Variants in ADAM10 observed in about 807,000 individuals in gnomAD.
ADAM10 encodes disintegrin and metalloproteinase domain-containing protein 10.
A neutral mutation model predicts 90.1 loss-of-function variants in ADAM10; 17 were observed. The observed-to-expected ratio is 0.19, with a 90% CI of 0.13 to 0.28. The LOEUF (loss-of-function observed/expected upper bound fraction) is 0.28. ADAM10 is among the 10% of genes least tolerant of loss of function. ADAM10 has a pLI of 1.00. For synonymous variants in ADAM10, 310 were observed against 298.6 expected (o/e 1.04, Z -0.40); for missense variants, 610 against 914.3 (o/e 0.67, Z 4.29).
At chr15:58,658,193 A>G (rs1333882953) in intron 5 of ADAM10, among the ~76,000 whole-genome samples, 14 of 152,034 alleles carry the variant, frequency 9.2e-5, no homozygotes, top group Admixed American at 9.2e-4. Flanking sequence ...TTTTTGTATA[A>G]GGTGTGAAGT....
At chr15:58,682,123 A>G in intron 3 of ADAM10, 73 bp downstream of exon 3, 1 of 1,587,738 alleles carries the variant, frequency 6.3e-7, no homozygotes, top group Non-Finnish European at 8.6e-7. Flanking sequence ...ATATTTGCTT[A>G]CACTTCAAAA....
At chr15:58,743,607 C>CTT (rs1241862806) in intron 1 of ADAM10, among the ~76,000 whole-genome samples, 1 of 144,510 alleles carries the variant, frequency 6.9e-6, no homozygotes. Context: ...AAACAAAATA[C>CTT]TTTTTTTTTT....
intron 11 of ADAM10, among the ~76,000 whole-genome samples, chr15:58,614,573 A>G (rs1252965781): frequency 6.6e-6 from 1 of 152,216 alleles, no homozygotes; most frequent in East Asian, 1.9e-4. Context: ...AGAATCTATA[A>G]GACTTTATTT....
At chr15:58,708,582 G>A (rs1438427698) in intron 2 of ADAM10, among the ~76,000 whole-genome samples, 1 of 152,124 alleles carries the variant, frequency 6.6e-6, no homozygotes, top group Non-Finnish European at 1.5e-5. Flanking sequence ...AGGACTGCTT[G>A]AGCTCAGAAG....
intron 2 of ADAM10, among the ~76,000 whole-genome samples, chr15:58,702,172 T>C (rs1173783690): frequency 6.6e-6 from 1 of 152,154 alleles, no homozygotes; most frequent in Non-Finnish European, 1.5e-5. Flanking sequence ...GAGGTCATTA[T>C]GTTGAGTGAA....
chr15:58,731,590 T>C (rs566526369), intron 1 of ADAM10, among the ~76,000 whole-genome samples: 1 of 152,158 alleles, frequency 6.6e-6, no homozygotes, highest in East Asian at 1.9e-4. Flanking sequence ...TTCACACCAC[T>C]GCACTCCAGC....
At chr15:58,635,274 CAAAAAAAAAAAA>C (rs58106236) in intron 8 of ADAM10, among the ~76,000 whole-genome samples, 1 of 65,908 alleles carries the variant, frequency 1.5e-5, no homozygotes, top group African/African-American at 7.5e-5. Flanking sequence ...GACTCTGTCT[CAAAAAAAAAAAA>C]AAAAAAAGAA....
intron 2 of ADAM10, among the ~76,000 whole-genome samples, chr15:58,709,189 C>T (rs1173997152): frequency 6.6e-6 from 1 of 152,062 alleles, no homozygotes. Flanking sequence ...CTTGCTGCAC[C>T]TTTAAGAAAA....
intron 2 of ADAM10, among the ~76,000 whole-genome samples, chr15:58,687,819 A>G (rs1897647594): frequency 6.6e-6 from 1 of 152,264 alleles, no homozygotes; most frequent in Non-Finnish European, 1.5e-5. Context: ...CTACTTGCAT[A>G]ATACGATTCA....
chr15:58,625,261 G>C (rs1895903817), intron 10 of ADAM10, among the ~76,000 whole-genome samples: 1 of 152,012 alleles, frequency 6.6e-6, no homozygotes, highest in Non-Finnish European at 1.5e-5. Flanking sequence ...CCAGTATCTA[G>C]GACTAGTATC....
chr15:58,610,269 T>A (rs763144862), intron 14 of ADAM10, 28 bp downstream of exon 14: 3 of 1,602,394 alleles, frequency 1.9e-6, no homozygotes, highest in Non-Finnish European at 2.6e-6. Flanking sequence ...CACTTTAAGT[T>A]TTCTTTGTAA....
intron 14 of ADAM10, among the ~76,000 whole-genome samples, chr15:58,600,766 TA>T (rs1315704000): frequency 6.6e-6 from 1 of 152,226 alleles, no homozygotes; most frequent in African/African-American, 2.4e-5. Flanking sequence ...AGACCACATG[TA>T]CTAATAAACA....
chr15:58,646,012 A>G (rs778325070), intron 6 of ADAM10, 43 bp downstream of exon 6: 1 of 1,607,640 alleles, frequency 6.2e-7, no homozygotes, highest in Non-Finnish European at 8.5e-7. Flanking sequence ...AGGCATTATA[A>G]AACAATATGG....
chr15:58,694,817 C>A (rs1897930850), intron 2 of ADAM10, among the ~76,000 whole-genome samples: 1 of 150,556 alleles, frequency 6.6e-6, no homozygotes, highest in African/African-American at 2.4e-5. Context: ...GAGTCTAATT[C>A]CATTGATATG....
chr15:58,647,492 C>T (rs1390470926), intron 5 of ADAM10, among the ~76,000 whole-genome samples: 1 of 151,654 alleles, frequency 6.6e-6, no homozygotes, highest in African/African-American at 2.4e-5. Context: ...TCTCGATCTC[C>T]TGACCTCGTG....
Position 58,611,585 on chromosome 15 carries a change from CTA to C in ADAM10, c.1695+221_1695+222del, listed in dbSNP as rs529763702. 246 of 524,406 alleles carry C rather than the reference CTA, an allele frequency of 4.7e-4. 2 individuals are homozygous for C. The East Asian group carries it at 7.9e-3, about 17-fold the overall frequency. The allele number at this position is 524,406 out of a possible 1,614,324, so 32.5% of individuals were successfully genotyped here. On this transcript the variant is annotated intron_variant, in intron 12 of 15. Transcript: ENST00000260408. ...ACAAATCACATGCCGAGTTGTACAA[CTA>C]TGTTTCTCTAGAGAATATCAACCAC...
intron 2 of ADAM10, among the ~76,000 whole-genome samples, chr15:58,712,699 G>A (rs1021051456): frequency 4.6e-5 from 7 of 151,894 alleles, no homozygotes; most frequent in Admixed American, 2.0e-4. Flanking sequence ...GGTGGTGGGC[G>A]CCTCTAGTCC....
chr15:58,682,466 T>G, intron 2 of ADAM10, 152 bp from the exon 3 acceptor site: 1 of 1,315,636 alleles, frequency 7.6e-7, no homozygotes, highest in Non-Finnish European at 1.0e-6. Flanking sequence ...TAAAGACATA[T>G]TCTGCTCTAA....
At chr15:58,704,158 G>A (rs1163913849) in intron 2 of ADAM10, 1 of 152,238 alleles carries the variant, frequency 6.6e-6, no homozygotes, top group Admixed American at 6.5e-5. Context: ...CACATCCTCA[G>A]GTAGTTCTTT....
Sources: gnomAD v4.1 joint callset for allele counts (sites outside exome capture counted in the v4.1 genomes callset) on GRCh38, gnomAD v4.1.1 for gene constraint, MANE v1.5 for transcripts, NCBI Gene and HGNC (gene_info 2026-07-23, HGNC 2026-07-21) for gene names.